The following PKHD1 variants were observed in gnomAD, a reference collection of about 807,000 sequenced individuals.
The protein encoded by PKHD1 is PKHD1 ciliary IPT domain containing fibrocystin/polyductin.
PKHD1 carries 291 observed loss-of-function variants against 412.0 expected under a neutral mutation model. That is an observed-to-expected ratio of 0.71 (90% CI 0.64 to 0.78). The LOEUF (loss-of-function observed/expected upper bound fraction) is 0.78. Ranked by LOEUF, PKHD1 falls within the 30% of genes least tolerant of loss-of-function variation. The pLI is 0.00. For missense variants in PKHD1, 4,825 were observed against 4,950.7 expected (o/e 0.97, Z 0.76); for synonymous variants, 1,777 against 1,821.5 (o/e 0.98, Z 0.62).
At chr6:51,960,997 A>G (rs139715182) in intron 35 of PKHD1, among the ~76,000 whole-genome samples, 1 of 152,262 alleles carries the variant, frequency 6.6e-6, no homozygotes, top group Non-Finnish European at 1.5e-5. Flanking sequence ...ACAATAGAGA[A>G]GGTGATTCCT....
intron 51 of PKHD1, among the ~76,000 whole-genome samples, chr6:51,834,782 C>T (rs1048134186): frequency 3.3e-5 from 5 of 152,022 alleles, no homozygotes; most frequent in African/African-American, 1.2e-4. Flanking sequence ...TTTTCTGTTC[C>T]CAACTATATG....
At chr6:51,907,564 T>C (rs1391730356) in intron 40 of PKHD1, among the ~76,000 whole-genome samples, 1 of 152,180 alleles carries the variant, frequency 6.6e-6, no homozygotes, top group Admixed American at 6.6e-5. Context: ...AATACTGGGA[T>C]TAGTGAACCT....
chr6:51,906,342 T>C lies in PKHD1; in HGVS notation c.6683-2A>G. 1.9e-6 allele frequency: 3 copies of C among 1,610,682 alleles called. No homozygotes were observed. Among genetic ancestry groups the C allele is most frequent in the Non-Finnish European group, 2.5e-6 (3 of 1,177,226 alleles). ...CTGTGCAGCCCTGTATGAAAGACTC[T>C]GAATAGGAAAGAGTAAAGTAAAAAT... On this transcript the variant is annotated splice_acceptor_variant, in intron 40 of 66. Coordinates refer to ENST00000371117, the MANE Select transcript of PKHD1 (RefSeq NM_138694.4). LOFTEE classifies it high-confidence loss of function.
intron 48 of PKHD1, among the ~76,000 whole-genome samples, chr6:51,864,110 G>C (rs1047928960): frequency 4.6e-5 from 7 of 152,152 alleles, no homozygotes; most frequent in African/African-American, 1.7e-4. Flanking sequence ...TCTATGCTGA[G>C]TTCATGGAAG....
rs559818539 is a variant in PKHD1, at chr6:51,974,016, A to G, written c.5752-13990T>C. 1.3e-4 allele frequency among the ~76,000 whole-genome samples: 20 copies of G among 152,346 alleles called. No homozygotes were observed. In the South Asian group the frequency reaches 2.5e-3, roughly 19 times the overall value. ...AAATCAAAGTGATTTTTGGTCTTTTAAAATTTTCTTGATAGAGCAATCACT... is the reference window on the plus strand; with the variant it reads ...AAATCAAAGTGATTTTTGGTCTTTTGAAATTTTCTTGATAGAGCAATCACT... On this transcript the variant is annotated intron_variant, in intron 35 of 66. Transcript: ENST00000371117.
chr6:51,890,503 T>C (rs1005351604), intron 43 of PKHD1, among the ~76,000 whole-genome samples: 35 of 151,424 alleles, frequency 2.3e-4, no homozygotes, highest in Admixed American at 1.4e-3. Context: ...AAATTAACTG[T>C]CCAAGTAAGC....
chr6:51,834,898 G>A (rs1030028290), intron 51 of PKHD1, among the ~76,000 whole-genome samples: 3 of 152,126 alleles, frequency 2.0e-5, no homozygotes, highest in African/African-American at 7.2e-5. Context: ...AAGGAACACT[G>A]GGCTGAGTTG....
intron 53 of PKHD1, among the ~76,000 whole-genome samples, chr6:51,776,990 T>G (rs898694099): frequency 6.6e-6 from 1 of 152,028 alleles, no homozygotes; most frequent in South Asian, 2.1e-4. Context: ...AGTACAAAAA[T>G]ACTAAAGTTA....
chr6:51,825,128 T>G (rs1255093680), intron 52 of PKHD1, among the ~76,000 whole-genome samples: 1 of 152,194 alleles, frequency 6.6e-6, no homozygotes, highest in Non-Finnish European at 1.5e-5. Context: ...CTTTTTGAAT[T>G]AAGTCAGGTA....
chr6:51,630,926 A>C (rs1767849146), intron 65 of PKHD1, among the ~76,000 whole-genome samples: 1 of 152,154 alleles, frequency 6.6e-6, no homozygotes, highest in Admixed American at 6.6e-5. Flanking sequence ...CATACAAGGT[A>C]ATGTGTCCAC....
chr6:52,063,952 G>T (rs1322641663), intron 13 of PKHD1, among the ~76,000 whole-genome samples: 25 of 152,160 alleles, frequency 1.6e-4, no homozygotes. Flanking sequence ...ACTGAAAAAG[G>T]GAGCAGACTC....
intron 57 of PKHD1, among the ~76,000 whole-genome samples, chr6:51,750,786 AT>A (rs150153766): frequency 2.6e-5 from 4 of 151,898 alleles, no homozygotes; most frequent in Admixed American, 2.0e-4. Context: ...GAATTAAGCA[AT>A]TTTTTTTGAG....
chr6:51,842,766 C>T (rs942514821), intron 50 of PKHD1, among the ~76,000 whole-genome samples: 6 of 152,306 alleles, frequency 3.9e-5, no homozygotes, highest in East Asian at 1.9e-4. Flanking sequence ...AGTGATTATA[C>T]GCTCCCTCTG....
chr6:52,021,641 A>G (rs1475522622), intron 33 of PKHD1, among the ~76,000 whole-genome samples: 1 of 152,110 alleles, frequency 6.6e-6, no homozygotes, highest in South Asian at 2.1e-4. Context: ...TAAATTTCCC[A>G]TTGTGGACTC....
At chr6:51,686,064 C>T (rs1003455403) in intron 60 of PKHD1, among the ~76,000 whole-genome samples, 6 of 152,194 alleles carry the variant, frequency 3.9e-5, no homozygotes, top group African/African-American at 1.4e-4. Context: ...TGATCACTGG[C>T]TGACAAAATT....
At chr6:52,042,210 A>C (rs1805003848) in intron 27 of PKHD1, among the ~76,000 whole-genome samples, 1 of 152,174 alleles carries the variant, frequency 6.6e-6, no homozygotes, top group South Asian at 2.1e-4. Context: ...TAGGGTCAGA[A>C]AAAAATCTGT....
At chr6:51,713,828 A>G (rs1780925679) in intron 60 of PKHD1, among the ~76,000 whole-genome samples, 3 of 152,034 alleles carry the variant, frequency 2.0e-5, no homozygotes, top group African/African-American at 7.2e-5. Context: ...CACTCCCCTA[A>G]CAGACACATA....
At chr6:52,004,792 A>T (rs1247096962) in intron 35 of PKHD1, among the ~76,000 whole-genome samples, 1 of 152,172 alleles carries the variant, frequency 6.6e-6, no homozygotes, top group Non-Finnish European at 1.5e-5. Context: ...TCTCCACTCT[A>T]ATCAGTCAGC....
chr6:51,727,214 T>C (rs1211185232), intron 60 of PKHD1, among the ~76,000 whole-genome samples: 1 of 152,178 alleles, frequency 6.6e-6, no homozygotes, highest in Non-Finnish European at 1.5e-5. Flanking sequence ...CTTTTCCTCT[T>C]TTCTCTTCCA....
Sources: gnomAD v4.1 joint callset for allele counts (sites outside exome capture counted in the v4.1 genomes callset) on GRCh38, gnomAD v4.1.1 for gene constraint, MANE v1.5 for transcripts, NCBI Gene and HGNC (gene_info 2026-07-23, HGNC 2026-07-21) for gene names.